The following LARGE1 variants were observed in gnomAD, a reference collection of about 807,000 sequenced individuals.
LARGE1 encodes xylosyl- and glucuronyltransferase LARGE1.
LARGE1 carries 43 observed loss-of-function variants against 87.6 expected under a neutral mutation model. That is an observed-to-expected ratio of 0.49 (90% confidence interval 0.38 to 0.63). The LOEUF (loss-of-function observed/expected upper bound fraction) is 0.63, where lower values mean the gene tolerates loss of function less well. Ranked by LOEUF, LARGE1 falls within the 30% of genes least tolerant of loss-of-function variation. The probability of loss-of-function intolerance (pLI) is 0.00; values close to 1 mark genes in which losing one functional copy is unlikely to be tolerated. For missense variants in LARGE1, 802 were observed against 1,000.2 expected, an observed-to-expected ratio of 0.80 and a Z score of 2.67; for synonymous variants, 434 against 394.6, an observed-to-expected ratio of 1.10 and a Z score of -1.18.
At chr22:33,789,911 G>A (rs925621861) in intron 1 of LARGE1, among the ~76,000 whole-genome samples, 3 of 152,200 alleles carry the variant, frequency 2.0e-5, no homozygotes, top group Admixed American at 6.5e-5. Context: ...ACTTTGGACT[G>A]TGGACTTTTG....
chr22:33,177,347 TTAAA>T (rs1922931553), intron 11 of LARGE1, among the ~76,000 whole-genome samples: 1 of 152,156 alleles, frequency 6.6e-6, no homozygotes, highest in Non-Finnish European at 1.5e-5. Context: ...TAGTGCCTTA[TTAAA>T]TAAAACAATA....
intron 3 of LARGE1, among the ~76,000 whole-genome samples, chr22:33,634,547 A>G (rs984004094): frequency 6.6e-6 from 1 of 152,138 alleles, no homozygotes; most frequent in Non-Finnish European, 1.5e-5. Context: ...AAGACAAGGA[A>G]AGGCTGCATT....
At chr22:33,831,968 C>T (rs998582696) in intron 1 of LARGE1, among the ~76,000 whole-genome samples, 16 of 152,292 alleles carry the variant, frequency 1.1e-4, no homozygotes, top group Non-Finnish European at 2.1e-4. Flanking sequence ...ACACCTCAAA[C>T]GTTTCTCACC....
In LARGE1 at chr22:33,395,698, C is replaced by T. The variant is rs557837585; in HGVS notation, c.893-11394G>A. ...GGAGGAGAAAGTAGGGACCAAAGTG[C>T]CTGGATGACTCCTTTGAATGAGGTT... is the stretch of plus-strand genomic sequence containing the variant. On this transcript the variant is annotated intron_variant, in intron 7 of 14. Transcript: ENST00000397394. Among the ~76,000 whole-genome samples the T allele has an allele frequency of 2.6e-5, 4 of 152,204 alleles. No homozygotes were observed. In the East Asian group the frequency reaches 7.7e-4, roughly 29 times the overall value.
At chr22:33,451,236 C>T (rs1009526034) in intron 6 of LARGE1, among the ~76,000 whole-genome samples, 10 of 151,936 alleles carry the variant, frequency 6.6e-5, no homozygotes, top group African/African-American at 2.4e-4. Flanking sequence ...CTTCATCTGG[C>T]AAAGTTTCAG....
chr22:33,133,364 G>A, the LARGE1 span, among the ~76,000 whole-genome samples: 1 of 152,088 alleles, frequency 6.6e-6, no homozygotes, highest in Non-Finnish European at 1.5e-5. Flanking sequence ...AGTGTGTGAT[G>A]TTCCCCTCCC....
chr22:33,188,242 T>C (rs1032953114), intron 11 of LARGE1, among the ~76,000 whole-genome samples: 18 of 152,104 alleles, frequency 1.2e-4, no homozygotes, highest in African/African-American at 4.3e-4. Flanking sequence ...CCAGACAGAC[T>C]AAGACACGAA....
chr22:33,785,213 G>GTATATACATATATGTGTA (rs2085593898), intron 1 of LARGE1, among the ~76,000 whole-genome samples: 1 of 116,842 alleles, frequency 8.6e-6, no homozygotes, highest in Non-Finnish European at 1.8e-5. Context: ...ATACATATGT[G>GTATATACATATATGTGTA]TATATACATA....
intron 1 of LARGE1, among the ~76,000 whole-genome samples, chr22:33,907,284 C>T (rs189909919): frequency 4.6e-4 from 70 of 152,276 alleles, no homozygotes; most frequent in Non-Finnish European, 7.8e-4. Flanking sequence ...ATGGACCTCA[C>T]GAATACTAGA....
At chr22:33,549,189 T>C (rs1001571695) in intron 6 of LARGE1, among the ~76,000 whole-genome samples, 3 of 152,204 alleles carry the variant, frequency 2.0e-5, no homozygotes, top group Admixed American at 2.0e-4. Context: ...TCCTTCCACA[T>C]GGGCAAGCCC....
chr22:33,704,218 A>G (rs2082487846), intron 2 of LARGE1, among the ~76,000 whole-genome samples: 1 of 152,220 alleles, frequency 6.6e-6, no homozygotes, highest in East Asian at 1.9e-4. Flanking sequence ...ATGGAAGGCT[A>G]TTTTATGCCT....
intron 1 of LARGE1, among the ~76,000 whole-genome samples, chr22:33,886,656 CAAAAAAAA>C (rs869173776): frequency 2.9e-4 from 10 of 34,586 alleles, no homozygotes; most frequent in African/African-American, 8.1e-4. Flanking sequence ...GAGATTCTGC[CAAAAAAAA>C]AAAAAAAAAA....
chr22:33,349,292 T>C (rs555157056), intron 9 of LARGE1, among the ~76,000 whole-genome samples: 4 of 152,294 alleles, frequency 2.6e-5, no homozygotes, highest in Admixed American at 2.0e-4. Flanking sequence ...TCATAATTAG[T>C]ATCTTCAGAT....
At chr22:33,114,462 G>A in the LARGE1 span, among the ~76,000 whole-genome samples, 1 of 152,162 alleles carries the variant, frequency 6.6e-6, no homozygotes, top group Non-Finnish European at 1.5e-5. Flanking sequence ...AAATAGTCAT[G>A]CTTATGCCCA....
chr22:33,244,335 A>G (rs1423327245), intron 11 of LARGE1, among the ~76,000 whole-genome samples: 1 of 152,136 alleles, frequency 6.6e-6, no homozygotes, highest in Admixed American at 6.5e-5. Flanking sequence ...GTCTAGTTCA[A>G]TTATTGTCAC....
intron 6 of LARGE1, among the ~76,000 whole-genome samples, chr22:33,485,072 C>A (rs997286327): frequency 6.6e-6 from 1 of 151,598 alleles, no homozygotes; most frequent in Non-Finnish European, 1.5e-5. Context: ...CCACCACGCC[C>A]GGCTAATTTT....
chr22:33,711,377 C>G (rs566366133), intron 2 of LARGE1, among the ~76,000 whole-genome samples: 2 of 152,144 alleles, frequency 1.3e-5, no homozygotes, highest in African/African-American at 4.8e-5. Context: ...TGCTATACTA[C>G]GCCTCAATTT....
chr22:33,423,878 T>G (rs927607362), intron 7 of LARGE1, among the ~76,000 whole-genome samples: 1 of 152,132 alleles, frequency 6.6e-6, no homozygotes, highest in African/African-American at 2.4e-5. Context: ...ATGAAAAGAA[T>G]GGTCCAAAGA....
At chr22:33,826,365 T>TG (rs1396042717) in intron 1 of LARGE1, among the ~76,000 whole-genome samples, 1 of 148,734 alleles carries the variant, frequency 6.7e-6, no homozygotes, top group African/African-American at 2.5e-5. Flanking sequence ...TTTTTTAAGA[T>TG]GGAGTCTCGC....
Sources: allele counts gnomAD v4.1 joint callset (sites outside exome capture counted in the v4.1 genomes callset), GRCh38; gene constraint gnomAD v4.1.1; transcripts MANE v1.5; gene names NCBI Gene and HGNC (gene_info 2026-07-23, HGNC 2026-07-21).